The following S100Z variants were observed in gnomAD, a reference collection of about 807,000 sequenced individuals.
The protein encoded by S100Z is S100 calcium binding protein Z.
Under a neutral mutation model 8.5 loss-of-function variants are expected in S100Z, and 11 were observed. That is an observed-to-expected ratio of 1.30 (90% CI 0.82 to 2.15). S100Z has a LOEUF of 2.15. Among genes scored for constraint, S100Z ranks in the 30% most tolerant of loss-of-function variants. The probability of loss-of-function intolerance (pLI) is 0.00; values close to 1 mark genes in which losing one functional copy is unlikely to be tolerated. For missense variants in S100Z, 126 were observed against 117.9 expected (o/e 1.07, Z -0.32); for synonymous variants, 34 against 43.8 (o/e 0.78, Z 0.89).
At chr5:76,912,676 G>A (rs756392792) in intron 4 of S100Z, among the ~76,000 whole-genome samples, 2 of 152,224 alleles carry the variant, frequency 1.3e-5, no homozygotes, top group Non-Finnish European at 2.9e-5. Context: ...CATAAAATAC[G>A]ACAAGGAAAT....
chr5:76,865,449 G>A (rs1284308662), intron 1 of S100Z, among the ~76,000 whole-genome samples: 1 of 150,982 alleles, frequency 6.6e-6, no homozygotes, highest in African/African-American at 2.4e-5. Flanking sequence ...ATTTCACCAT[G>A]TTGGTCAGGC....
At chr5:76,935,665 C>A in the S100Z span, among the ~76,000 whole-genome samples, 1 of 151,848 alleles carries the variant, frequency 6.6e-6, no homozygotes, top group African/African-American at 2.4e-5. Context: ...CTGCCTTCTC[C>A]CTGGTCTGTT....
chr5:76,951,657 C>T, the S100Z span, among the ~76,000 whole-genome samples: 3 of 152,200 alleles, frequency 2.0e-5, no homozygotes, highest in Admixed American at 1.3e-4. Flanking sequence ...TGTTTTTCTC[C>T]TCTTTTATTC....
At chr5:76,948,091 C>T in the S100Z span, among the ~76,000 whole-genome samples, 5 of 151,994 alleles carry the variant, frequency 3.3e-5, no homozygotes, top group Admixed American at 2.0e-4. Context: ...TTTGGGAGGC[C>T]GAGGCAGGTG....
At chr5:76,945,765 A>G in the S100Z span, among the ~76,000 whole-genome samples, 7 of 152,308 alleles carry the variant, frequency 4.6e-5, no homozygotes, top group African/African-American at 1.4e-4. Flanking sequence ...TGAAAATAGT[A>G]ATCAATAAAT....
chr5:76,926,951 T>C, the S100Z span, among the ~76,000 whole-genome samples: 4 of 152,242 alleles, frequency 2.6e-5, no homozygotes, highest in African/African-American at 9.6e-5. Flanking sequence ...CTGGATGTTT[T>C]GTTATGAACT....
chr5:76,927,547 G>A, the S100Z span, among the ~76,000 whole-genome samples: 1,821 of 152,298 alleles, frequency 0.012, 44 homozygotes, highest in African/African-American at 0.04. Context: ...ACCGGTCTGG[G>A]TTGCAAAAAT....
intron 1 of S100Z, among the ~76,000 whole-genome samples, chr5:76,851,176 A>T (rs1052181718): frequency 2.0e-5 from 3 of 152,294 alleles, no homozygotes; most frequent in African/African-American, 4.8e-5. Flanking sequence ...GCTTCCCTGG[A>T]GGACTGGCAC....
At chr5:76,891,265 GT>G (rs1743845292) in intron 4 of S100Z, among the ~76,000 whole-genome samples, 1 of 152,070 alleles carries the variant, frequency 6.6e-6, no homozygotes, top group Non-Finnish European at 1.5e-5. Context: ...CTTACTTTAC[GT>G]TACACTTACC....
chr5:76,926,690 T>C, the S100Z span, among the ~76,000 whole-genome samples: 2 of 152,046 alleles, frequency 1.3e-5, no homozygotes, highest in Non-Finnish European at 2.9e-5. Context: ...AACAGAAAGA[T>C]GAGAAAGCAA....
intron 4 of S100Z, among the ~76,000 whole-genome samples, chr5:76,913,383 G>A (rs957920610): frequency 6.6e-6 from 1 of 152,240 alleles, no homozygotes; most frequent in Non-Finnish European, 1.5e-5. Context: ...AGAAACTCTT[G>A]TAAAATCAGA....
chr5:76,912,584 C>T (rs931393712), intron 4 of S100Z, among the ~76,000 whole-genome samples: 58 of 152,192 alleles, frequency 3.8e-4, no homozygotes, highest in African/African-American at 1.3e-3. Flanking sequence ...AATGTGTATA[C>T]GGATAGCAAA....
intron 4 of S100Z, among the ~76,000 whole-genome samples, chr5:76,911,861 C>T (rs573145729): frequency 3.9e-5 from 6 of 152,208 alleles, no homozygotes; most frequent in East Asian, 3.9e-4. Flanking sequence ...AAAACAGTTG[C>T]GGGGGTTCCT....
chr5:76,882,304 G>A (rs1401515245), intron 4 of S100Z, among the ~76,000 whole-genome samples: 6 of 152,310 alleles, frequency 3.9e-5, no homozygotes, highest in Admixed American at 6.5e-5. Flanking sequence ...AAGTTGTTTG[G>A]ATAAAAAGGC....
intron 4 of S100Z, among the ~76,000 whole-genome samples, chr5:76,883,789 G>C (rs1743497421): frequency 6.6e-6 from 1 of 152,204 alleles, no homozygotes; most frequent in Non-Finnish European, 1.5e-5. Context: ...CATGGCTTAG[G>C]AGGAGTCCCA....
At chr5:76,896,634 G>T (rs1744046704) in intron 4 of S100Z, among the ~76,000 whole-genome samples, 1 of 152,126 alleles carries the variant, frequency 6.6e-6, no homozygotes, top group Admixed American at 6.5e-5. Flanking sequence ...CACAGTAGTT[G>T]TATTAGTTTA....
chr5:76,933,398 G>A, the S100Z span, among the ~76,000 whole-genome samples: 61 of 152,304 alleles, frequency 4.0e-4, no homozygotes, highest in African/African-American at 1.4e-3. Flanking sequence ...GGGACCCAGC[G>A]GGTGGAGGAA....
At chr5:76,875,550 G>T in intron 3 of S100Z, 50 bp downstream of exon 3, 1 of 1,522,998 alleles carries the variant, frequency 6.6e-7, no homozygotes, top group Admixed American at 2.0e-5. Flanking sequence ...TAGATGAGGT[G>T]CAGATTCCAG....
At chr5:76,890,483 C>T (rs964426959) in intron 4 of S100Z, among the ~76,000 whole-genome samples, 5 of 152,062 alleles carry the variant, frequency 3.3e-5, no homozygotes, top group African/African-American at 4.8e-5. Flanking sequence ...CCAAATCACA[C>T]GGGTATGAAA....
Sources: gnomAD v4.1 joint callset for allele counts (sites outside exome capture counted in the v4.1 genomes callset) on GRCh38, gnomAD v4.1.1 for gene constraint, MANE v1.5 for transcripts, NCBI Gene and HGNC (gene_info 2026-07-23, HGNC 2026-07-21) for gene names.